OPCML: variants seen among roughly 807,000 people sequenced by gnomAD.
OPCML encodes the protein opioid binding protein/cell adhesion molecule like, also known as opioid-binding protein/cell adhesion molecule.
In OPCML, 13 loss-of-function variants were observed where a neutral mutation model predicts 37.8. The ratio of observed to expected loss-of-function variants is 0.34; its 90% confidence interval spans 0.22 to 0.55. The LOEUF is 0.55. OPCML is among the 20% of genes least tolerant of loss of function. The pLI, the probability that OPCML is intolerant of heterozygous loss-of-function variation, is 0.91. For missense variants in OPCML, 341 were observed against 435.6 expected (o/e 0.78, Z 1.93); for synonymous variants, 176 against 168.8 (o/e 1.04, Z -0.33).
intron 2 of OPCML, among the ~76,000 whole-genome samples, chr11:132,666,181 T>C (rs1469415517): frequency 1.3e-5 from 2 of 152,158 alleles, no homozygotes; most frequent in African/African-American, 4.8e-5. Flanking sequence ...GAAAAGAGGT[T>C]TACGTGGCTC....
At chr11:133,009,198 T>A in intron 1 of OPCML, 4 of 985,374 alleles carry the variant, frequency 4.1e-6, no homozygotes, top group Non-Finnish European at 4.8e-6. Context: ...CTCTAACATA[T>A]GTAGATATAG....
At chr11:133,040,769 A>C (rs1417991231) in intron 1 of OPCML, among the ~76,000 whole-genome samples, 4 of 152,032 alleles carry the variant, frequency 2.6e-5, no homozygotes, top group Admixed American at 6.5e-5. Context: ...GGAGCTCAGT[A>C]AGTGCTCTCG....
At chr11:133,027,566 C>A (rs543770036) in intron 1 of OPCML, among the ~76,000 whole-genome samples, 1 of 137,890 alleles carries the variant, frequency 7.3e-6, no homozygotes, top group Non-Finnish European at 1.6e-5. Context: ...GGGTATGTTA[C>A]GTGTGTGGTG....
In OPCML at chr11:132,918,470, C is replaced by T. The variant is rs189154914; in HGVS notation, c.146+24456G>A. ...TTTGTTCTGTCCTGTTCTTGAGCTC[C>T]ATAAAATTGGAATCATACAGCGTGT... On this transcript the variant is annotated intron_variant, in intron 2 of 7. Transcript: ENST00000524381. 9.8e-5 allele frequency among the ~76,000 whole-genome samples: 15 copies of T among 152,316 alleles called. No homozygotes were observed. In the East Asian group the frequency reaches 2.3e-3, roughly 24 times the overall value.
intron 1 of OPCML, among the ~76,000 whole-genome samples, chr11:133,326,665 G>T (rs1420984222): frequency 7.3e-6 from 1 of 136,828 alleles, no homozygotes; most frequent in Admixed American, 7.2e-5. Context: ...GTGTATGTGT[G>T]TGGGTGGGGG....
chr11:132,773,594 G>A (rs1048532384), intron 2 of OPCML, among the ~76,000 whole-genome samples: 1 of 152,156 alleles, frequency 6.6e-6, no homozygotes, highest in Admixed American at 6.5e-5. Flanking sequence ...CTTCACATTG[G>A]TAAACACGCA....
intron 4 of OPCML, among the ~76,000 whole-genome samples, chr11:132,445,725 A>C (rs1208127572): frequency 6.6e-6 from 1 of 152,078 alleles, no homozygotes; most frequent in East Asian, 1.9e-4. Context: ...CAGGGGTGAG[A>C]ATTCAGGGTT....
intron 1 of OPCML, among the ~76,000 whole-genome samples, chr11:133,012,514 A>G (rs1947238060): frequency 6.6e-6 from 1 of 152,186 alleles, no homozygotes; most frequent in South Asian, 2.1e-4. Context: ...CATGACAGAA[A>G]CTCAACTCAT....
chr11:133,279,117 T>G (rs1942071209), intron 1 of OPCML, among the ~76,000 whole-genome samples: 1 of 152,206 alleles, frequency 6.6e-6, no homozygotes, highest in Non-Finnish European at 1.5e-5. Flanking sequence ...CAATAGAACC[T>G]CGCTGTTTCC....
intron 1 of OPCML, among the ~76,000 whole-genome samples, chr11:133,254,620 G>C (rs1941251759): frequency 6.6e-6 from 1 of 152,228 alleles, no homozygotes; most frequent in African/African-American, 2.4e-5. Context: ...GGGAGGAGGA[G>C]ATGGCTATAG....
chr11:132,982,846 A>G (rs1477420802), intron 1 of OPCML, among the ~76,000 whole-genome samples: 1 of 152,238 alleles, frequency 6.6e-6, no homozygotes, highest in African/African-American at 2.4e-5. Flanking sequence ...CTATGAGCCC[A>G]GCACCAAGAC....
At position 132,728,394 on chromosome 11, in the gene OPCML, G is replaced by A. The variant is rs530142852; in HGVS notation, c.147-71075C>T. On this transcript the variant is annotated intron_variant, in intron 2 of 7. Transcript: ENST00000524381. Reference sequence around the variant, plus strand: ...ATCACTGTGAAGGCATCGTTTGGGTGTGCAGAGCTGCAAGAAGAGACAAAA... The same window carrying A: ...ATCACTGTGAAGGCATCGTTTGGGTATGCAGAGCTGCAAGAAGAGACAAAA... Among the ~76,000 whole-genome samples, 5 of 152,318 alleles carry A rather than the reference G, an allele frequency of 3.3e-5. No individual in the cohort carries two copies. In the South Asian group the frequency reaches 1.0e-3, roughly 32 times the overall value.
At chr11:133,113,088 C>T (rs1181480391) in intron 1 of OPCML, among the ~76,000 whole-genome samples, 2 of 152,148 alleles carry the variant, frequency 1.3e-5, no homozygotes, top group African/African-American at 4.8e-5. Context: ...AAAAATAACT[C>T]ATTTAAAGCC....
At chr11:132,905,630 C>T (rs1447213443) in intron 2 of OPCML, among the ~76,000 whole-genome samples, 1 of 151,992 alleles carries the variant, frequency 6.6e-6, no homozygotes, top group Non-Finnish European at 1.5e-5. Flanking sequence ...ACATATTGAC[C>T]TTCATGATGC....
intron 3 of OPCML, among the ~76,000 whole-genome samples, chr11:132,590,970 C>G (rs1021505690): frequency 6.6e-6 from 1 of 152,146 alleles, no homozygotes; most frequent in Non-Finnish European, 1.5e-5. Flanking sequence ...TCTAGAAGAA[C>G]CAGTATCTTC....
chr11:132,488,151 C>G (rs554229431), intron 4 of OPCML, among the ~76,000 whole-genome samples: 18 of 152,328 alleles, frequency 1.2e-4, no homozygotes, highest in Middle Eastern at 3.4e-3. Context: ...TCCTCTTTAC[C>G]TGGAGAACAC....
intron 2 of OPCML, among the ~76,000 whole-genome samples, chr11:132,711,150 C>T (rs1944249339): frequency 6.6e-6 from 1 of 152,186 alleles, no homozygotes; most frequent in Non-Finnish European, 1.5e-5. Context: ...AAAGGAACAT[C>T]AGAGGAGTAG....
rs1185546842 is a variant in OPCML, at chr11:133,174,181, G to T, written c.62-231171C>A. Among the ~76,000 whole-genome samples, 1 of 152,156 alleles carries T rather than the reference G, an allele frequency of 6.6e-6. No homozygotes were observed. The highest frequency in any genetic ancestry group is 1.9e-4 in the East Asian group (1 of 5,188). On this transcript the variant is annotated intron_variant, in intron 1 of 7. Coordinates refer to ENST00000524381, the MANE Select transcript of OPCML (RefSeq NM_001012393.5). This position sits in a 1 kb window ranked among gnomAD's most constrained non-coding sequence, Gnocchi z 4.6. ...CATTCTCCACCTTCTTTGGCACAAA[G>T]AAATGCTTCCCTCCCCTACCACGAC...
Position 133,398,142 on chromosome 11 carries a change from G to A in OPCML, c.61+134122C>T, listed in dbSNP as rs114238964. On this transcript the variant is annotated intron_variant, in intron 1 of 7. Coordinates refer to ENST00000524381, the MANE Select transcript of OPCML (RefSeq NM_001012393.5). ...CTGCTGACCTGGGGGATCGAACCTT[G>A]CAAACATAGACATCTCATGAATTAT... Among the ~76,000 whole-genome samples, 1,090 of 152,282 alleles carry A rather than the reference G, an allele frequency of 7.2e-3. 12 individuals carry two copies. Among genetic ancestry groups the A allele is most frequent in the African/African-American group, 0.025 (1,020 of 41,556 alleles).
Sources: gnomAD v4.1 joint callset for allele counts (sites outside exome capture counted in the v4.1 genomes callset) on GRCh38, gnomAD v4.1.1 for gene constraint, Gnocchi (gnomAD v3.1) non-coding constraint, MANE v1.5 for transcripts, NCBI Gene and HGNC (gene_info 2026-07-23, HGNC 2026-07-21) for gene names.